METTL8: variants seen among roughly 807,000 people sequenced by gnomAD.
METTL8 encodes the protein tRNA N(3)-cytidine methyltransferase METTL8, mitochondrial.
A neutral mutation model predicts 48.7 loss-of-function variants in METTL8; 32 were observed. The ratio of observed to expected loss-of-function variants is 0.66; its 90% CI spans 0.50 to 0.88. The LOEUF is 0.88. Among genes scored for constraint, METTL8 ranks in the 40% least tolerant of loss-of-function variants. The pLI, the probability that METTL8 is intolerant of heterozygous loss-of-function variation, is 0.00. For synonymous variants in METTL8, 136 were observed against 157.1 expected, an observed-to-expected ratio of 0.87 and a Z score of 1.01; for missense variants, 464 against 474.4, an observed-to-expected ratio of 0.98 and a Z score of 0.20.
chr2:171,401,417 C>A (rs1689628222), intron 1 of METTL8, among the ~76,000 whole-genome samples: 1 of 152,088 alleles, frequency 6.6e-6, no homozygotes, highest in South Asian at 2.1e-4. Flanking sequence ...AGGTTATTAG[C>A]AAGAACAGAA....
At chr2:171,334,830 G>C (rs932373789) in intron 5 of METTL8, among the ~76,000 whole-genome samples, 5 of 152,158 alleles carry the variant, frequency 3.3e-5, no homozygotes, top group Non-Finnish European at 7.4e-5. Context: ...GGGGGAATGA[G>C]AGATATTAAT....
Position 171,326,151 on chromosome 2 carries a change from T to C in METTL8, c.861-3A>G. 6.7e-7 allele frequency: 1 copy of C among 1,483,208 alleles called. No individual in the cohort carries two copies. Among genetic ancestry groups the C allele is most frequent in the Non-Finnish European group, 9.2e-7 (1 of 1,091,238 alleles). The allele number at this position is 1,483,208 out of a possible 1,614,324, so 91.9% of individuals were successfully genotyped here. ...GTCGGTTTACAACACCTTGCATCCT[T>C]TGGAAACAAAGTATTAAAAAGATAC... On this transcript the variant is annotated splice_region_variant and splice_polypyrimidine_tract_variant and intron_variant, in intron 7 of 9. Transcript: ENST00000375258.
At chr2:171,347,381 C>T (rs1378999989) in intron 3 of METTL8, among the ~76,000 whole-genome samples, 1 of 152,120 alleles carries the variant, frequency 6.6e-6, no homozygotes, top group African/African-American at 2.4e-5. Flanking sequence ...CTGCGGTTTC[C>T]AAGGCCCTAA....
intron 3 of METTL8, among the ~76,000 whole-genome samples, chr2:171,340,299 C>T (rs1407499304): frequency 6.6e-6 from 1 of 151,018 alleles, no homozygotes; most frequent in Non-Finnish European, 1.5e-5. Context: ...GTAAGGAGTT[C>T]AAGACCAGCC....
At chr2:171,430,477 T>C (rs1692895165) in intron 1 of METTL8, among the ~76,000 whole-genome samples, 1 of 152,120 alleles carries the variant, frequency 6.6e-6, no homozygotes, top group Non-Finnish European at 1.5e-5. Context: ...ATGGCACATG[T>C]ATACCTATAT....
intron 3 of METTL8, among the ~76,000 whole-genome samples, chr2:171,345,822 TG>T (rs1687211704): frequency 6.6e-6 from 1 of 152,178 alleles, no homozygotes; most frequent in African/African-American, 2.4e-5. Context: ...ACACTGGAGA[TG>T]TTTTTTAGGA....
intron 2 of METTL8, among the ~76,000 whole-genome samples, chr2:171,378,975 G>A (rs1213847400): frequency 6.6e-6 from 1 of 152,132 alleles, no homozygotes; most frequent in African/African-American, 2.4e-5. Flanking sequence ...GTGCCATATG[G>A]CACTTCCTCT....
intron 7 of METTL8, among the ~76,000 whole-genome samples, chr2:171,329,025 G>A (rs765616267): frequency 7.3e-5 from 11 of 150,400 alleles, no homozygotes; most frequent in African/African-American, 1.5e-4. Flanking sequence ...TTGCTTTGTC[G>A]CCCAGGCTGG....
At chr2:171,344,148 G>A (rs1234218130) in intron 3 of METTL8, among the ~76,000 whole-genome samples, 1 of 152,098 alleles carries the variant, frequency 6.6e-6, no homozygotes, top group African/African-American at 2.4e-5. Flanking sequence ...CACATATTAC[G>A]TGTTTATTAT....
chr2:171,347,821 TCGA>T (rs1683439237), intron 3 of METTL8, among the ~76,000 whole-genome samples: 2 of 152,210 alleles, frequency 1.3e-5, no homozygotes, highest in Non-Finnish European at 2.9e-5. Context: ...GTATGCACCC[TCGA>T]ATCCAACCCT....
intron 2 of METTL8, 51 bp from the exon 3 acceptor site, chr2:171,360,564 G>T (rs1354476180): frequency 1.3e-6 from 2 of 1,489,554 alleles, no homozygotes; most frequent in Non-Finnish European, 1.8e-6. Context: ...GAAGAAGGCA[G>T]AAAAAAGGTG....
At chr2:171,354,717 A>C (rs990674100) in intron 3 of METTL8, among the ~76,000 whole-genome samples, 4 of 152,094 alleles carry the variant, frequency 2.6e-5, no homozygotes, top group Admixed American at 2.6e-4. Flanking sequence ...TTTGATCTTC[A>C]ATCACTGATA....
intron 5 of METTL8, among the ~76,000 whole-genome samples, chr2:171,335,719 C>G (rs567834574): frequency 6.6e-6 from 1 of 152,120 alleles, no homozygotes; most frequent in Non-Finnish European, 1.5e-5. Flanking sequence ...GCCACCGCAC[C>G]AGGCCCCAGA....
At chr2:171,424,093 C>A (rs1300149229) in intron 1 of METTL8, among the ~76,000 whole-genome samples, 1 of 152,230 alleles carries the variant, frequency 6.6e-6, no homozygotes, top group Non-Finnish European at 1.5e-5. Flanking sequence ...AAGCTCCAAG[C>A]CTTGGCAGCT....
chr2:171,374,468 G>A (rs67077741), intron 2 of METTL8, among the ~76,000 whole-genome samples: 31,791 of 152,028 alleles, frequency 0.21, 3,556 homozygotes, highest in Non-Finnish European at 0.25. Context: ...CCAATGTATG[G>A]AAGTAACTTT....
chr2:171,432,480 G>C (rs527476950), intron 1 of METTL8, among the ~76,000 whole-genome samples: 17 of 152,136 alleles, frequency 1.1e-4, no homozygotes, highest in Non-Finnish European at 1.5e-4. Flanking sequence ...AGAAATGAGA[G>C]AGTTGATGAA....
At chr2:171,354,849 T>G (rs1335528714) in intron 3 of METTL8, among the ~76,000 whole-genome samples, 1 of 147,302 alleles carries the variant, frequency 6.8e-6, no homozygotes, top group Non-Finnish European at 1.5e-5. Flanking sequence ...TTATTCTAGT[T>G]AGCCATTTGT....
chr2:171,434,649 C>T, upstream of METTL8: 1 of 1,535,688 alleles, frequency 6.5e-7, no homozygotes, highest in Non-Finnish European at 8.7e-7. Flanking sequence ...TCTCGCGCGA[C>T]GCAGGCGTGG....
chr2:171,343,690 T>A (rs922689662), intron 3 of METTL8, among the ~76,000 whole-genome samples: 5 of 152,178 alleles, frequency 3.3e-5, no homozygotes, highest in African/African-American at 1.2e-4. Flanking sequence ...TTCATTCAAA[T>A]TGCCTACAGA....
Sources: gnomAD v4.1 joint callset for allele counts (sites outside exome capture counted in the v4.1 genomes callset) on GRCh38, gnomAD v4.1.1 for gene constraint, MANE v1.5 for transcripts, NCBI Gene and HGNC (gene_info 2026-07-23, HGNC 2026-07-21) for gene names.